IGSF21: variants seen among roughly 807,000 people sequenced by gnomAD.
The protein encoded by IGSF21 is immunoglobin superfamily member 21, also known as immunoglobulin superfamily member 21.
Under a neutral mutation model 46.8 loss-of-function variants are expected in IGSF21, and 28 were observed. The ratio of observed to expected loss-of-function variants is 0.60; its 90% confidence interval spans 0.44 to 0.82. IGSF21 has a LOEUF of 0.82. IGSF21 is among the 40% of genes least tolerant of loss of function. The pLI, the probability that IGSF21 is intolerant of heterozygous loss-of-function variation, is 0.00. For missense variants in IGSF21, 624 were observed against 665.5 expected, an observed-to-expected ratio of 0.94 and a Z score of 0.69; for synonymous variants, 284 against 273.6, an observed-to-expected ratio of 1.04 and a Z score of -0.38.
chr1:18,314,496 T>C (rs2124587694), intron 3 of IGSF21, among the ~76,000 whole-genome samples: 1 of 152,306 alleles, frequency 6.6e-6, no homozygotes, highest in South Asian at 2.1e-4. Flanking sequence ...GTTTGACTGG[T>C]ATCGTGGGCC....
At chr1:18,215,005 G>A (rs950510264) in intron 1 of IGSF21, among the ~76,000 whole-genome samples, 2 of 152,170 alleles carry the variant, frequency 1.3e-5, no homozygotes, top group South Asian at 2.1e-4. Flanking sequence ...CTCCCAAAGT[G>A]CCAAGATTAC....
At chr1:18,154,610 A>G (rs1258503575) in intron 1 of IGSF21, among the ~76,000 whole-genome samples, 1 of 122,448 alleles carries the variant, frequency 8.2e-6, no homozygotes, top group African/African-American at 3.2e-5. Flanking sequence ...CTGGGTGAGG[A>G]GGCCCTGCCC....
At chr1:18,267,582 T>TTC (rs1171696993) in intron 2 of IGSF21, among the ~76,000 whole-genome samples, 4 of 152,236 alleles carry the variant, frequency 2.6e-5, no homozygotes, top group African/African-American at 9.6e-5. Context: ...TCAGGCCACT[T>TTC]TGAGAAGCTT....
intron 1 of IGSF21, among the ~76,000 whole-genome samples, chr1:18,170,689 G>A (rs2086728122): frequency 6.6e-6 from 1 of 152,028 alleles, no homozygotes; most frequent in Non-Finnish European, 1.5e-5. Flanking sequence ...GCTGGGATTT[G>A]AACGTACACT....
intron 1 of IGSF21, among the ~76,000 whole-genome samples, chr1:18,191,854 G>T (rs1267967563): frequency 2.0e-5 from 3 of 152,184 alleles, no homozygotes; most frequent in Non-Finnish European, 2.9e-5. Flanking sequence ...GGTTCCGGCT[G>T]CCTCAGCAGG....
chr1:18,185,075 C>T (rs1191265121), intron 1 of IGSF21, among the ~76,000 whole-genome samples: 1 of 152,164 alleles, frequency 6.6e-6, no homozygotes, highest in East Asian at 1.9e-4. Context: ...CATAATTACT[C>T]ATGCATGGCA....
At chr1:18,266,260 T>C (rs78120506) in intron 2 of IGSF21, among the ~76,000 whole-genome samples, 5,685 of 152,218 alleles carry the variant, frequency 0.037, 215 homozygotes, top group African/African-American at 0.092. Context: ...GGTAACTTGT[T>C]CCAGGCCACA....
At chr1:18,313,300 A>T (rs970157297) in intron 3 of IGSF21, among the ~76,000 whole-genome samples, 47 of 152,288 alleles carry the variant, frequency 3.1e-4, no homozygotes, top group African/African-American at 1.0e-3. Context: ...TCTGCTATGG[A>T]TAATAAAGCT....
rs750864722 is a variant in IGSF21, at chr1:18,365,218, G to T, written c.541-5G>T. The T allele has an allele frequency of 2.5e-6, 4 of 1,587,326 alleles. No individual in the cohort carries two copies. In the South Asian group the frequency reaches 4.5e-5, roughly 18 times the overall value. Reference sequence around the variant, plus strand: ...CATTTTCCCACACCCTCCTTACAATGGCAGGTTTATTTCAAACGAGATGGG... The same window carrying T: ...CATTTTCCCACACCCTCCTTACAATTGCAGGTTTATTTCAAACGAGATGGG... On this transcript the variant is annotated splice_region_variant and splice_polypyrimidine_tract_variant and intron_variant, in intron 5 of 9. Transcript: ENST00000251296. This position sits in a 1 kb window ranked among gnomAD's most constrained non-coding sequence, Gnocchi z 4.8.
At chr1:18,305,546 T>TGATGGATGGATG (rs151122242) in intron 3 of IGSF21, among the ~76,000 whole-genome samples, 43,257 of 122,828 alleles carry the variant, frequency 0.35, 10,161 homozygotes, top group East Asian at 0.69. Context: ...GATGGATGGA[T>TGATGGATGGATG]GATGGATGGA....
At position 18,155,000 on chromosome 1, in the gene IGSF21, C is replaced by T. The variant is rs148467328; in HGVS notation, c.70+46802C>T. On this transcript the variant is annotated intron_variant, in intron 1 of 9. Coordinates refer to ENST00000251296, the MANE Select transcript of IGSF21 (RefSeq NM_032880.5). ...AGGCAAATGGGGGGCTCACTTATGC[C>T]TCCTGCAGGTCCCAGCTGAGGCTGA... Among the ~76,000 whole-genome samples, 200 of 152,170 alleles carry T rather than the reference C, an allele frequency of 1.3e-3. 1 individual carries two copies. The highest frequency in any genetic ancestry group is 4.6e-3 in the African/African-American group (190 of 41,550).
At position 18,274,166 on chromosome 1, in the gene IGSF21, C is replaced by T. The variant is rs150236704; in HGVS notation, c.184-17700C>T. On this transcript the variant is annotated intron_variant, in intron 2 of 9. Transcript: ENST00000251296. ...TACACGGTGTTGGGCAAAATGGTTCCAGCCCCTACCCTTCTGCAATTTATA... is the reference window on the plus strand; with the variant it reads ...TACACGGTGTTGGGCAAAATGGTTCTAGCCCCTACCCTTCTGCAATTTATA... Among the ~76,000 whole-genome samples the T allele has an allele frequency of 3.4e-3, 520 of 152,304 alleles. 3 individuals carry two copies. The highest frequency in any genetic ancestry group is 0.024 in the Middle Eastern group (7 of 294).
intron 3 of IGSF21, among the ~76,000 whole-genome samples, chr1:18,324,070 C>T (rs1335357397): frequency 6.6e-6 from 1 of 152,078 alleles, no homozygotes; most frequent in Non-Finnish European, 1.5e-5. Flanking sequence ...CCTGGGAGAC[C>T]TTCCATCTGT....
chr1:18,356,629 G>A (rs1474503652), intron 4 of IGSF21, among the ~76,000 whole-genome samples: 4 of 152,250 alleles, frequency 2.6e-5, no homozygotes, highest in Admixed American at 2.6e-4. Flanking sequence ...ACTTCCTGGG[G>A]CATGGGATCT....
intron 2 of IGSF21, among the ~76,000 whole-genome samples, chr1:18,243,981 G>T (rs72932903): frequency 6.6e-6 from 1 of 152,120 alleles, no homozygotes; most frequent in African/African-American, 2.4e-5. Flanking sequence ...CACTGACCTC[G>T]TGGAGGGCCA....
At chr1:18,317,308 A>T (rs536618610) in intron 3 of IGSF21, among the ~76,000 whole-genome samples, 3 of 152,320 alleles carry the variant, frequency 2.0e-5, no homozygotes, top group African/African-American at 4.8e-5. Flanking sequence ...CAATCCTGTG[A>T]GGCAGGCATC....
At chr1:18,289,384 C>T (rs893292398) in intron 2 of IGSF21, among the ~76,000 whole-genome samples, 4 of 152,276 alleles carry the variant, frequency 2.6e-5, no homozygotes, top group Admixed American at 6.5e-5. Flanking sequence ...TGGAAAGGGA[C>T]GTTGAGAGGC....
chr1:18,146,398 G>A (rs760289965), intron 1 of IGSF21, among the ~76,000 whole-genome samples: 34 of 152,124 alleles, frequency 2.2e-4, no homozygotes, highest in Non-Finnish European at 3.4e-4. Context: ...GGGCCATGTC[G>A]TTGGCTCAGC....
chr1:18,334,917 A>G lies in IGSF21; in HGVS notation c.331A>G (p.Asn111Asp), dbSNP rs775092986. ...GCTGCCCGAGGTCCGGATCTCAGAC[A>G]ATGGTCCCTATGAGTGCCATGTGGG... ...VRLPEVRISD[N>D]GPYECHVGIY... The change falls in exon 4 of 10, where the codon AAT becomes GAT. Residue 111 changes from asparagine to aspartate, a missense_variant. Physicochemically the swap from Asn to Asp is conservative, Grantham distance 23. Transcript: ENST00000251296. This position sits in a 1 kb window ranked among gnomAD's most constrained non-coding sequence, Gnocchi z 4.3. 6.2e-6 allele frequency: 10 copies of G among 1,614,126 alleles called. No homozygotes were observed. In the South Asian group the frequency reaches 9.9e-5, roughly 16 times the overall value.
Sources: gnomAD v4.1 joint callset for allele counts (sites outside exome capture counted in the v4.1 genomes callset) on GRCh38, gnomAD v4.1.1 for gene constraint, Gnocchi (gnomAD v3.1) non-coding constraint, MANE v1.5 for transcripts, NCBI Gene and HGNC (gene_info 2026-07-23, HGNC 2026-07-21) for gene names.